CELF4: variants seen among roughly 807,000 people sequenced by gnomAD.
The protein encoded by CELF4 is CUGBP Elav-like family member 4.
In CELF4, 18 loss-of-function variants were observed where a neutral mutation model predicts 59.9. The observed-to-expected ratio is 0.30, with a 90% confidence interval of 0.21 to 0.45. CELF4 has a LOEUF of 0.45. CELF4 is among the 20% of genes least tolerant of loss of function. The pLI is 1.00. For synonymous variants in CELF4, 261 were observed against 267.1 expected (o/e 0.98, Z 0.22); for missense variants, 456 against 689.0 (o/e 0.66, Z 3.79).
At chr18:37,556,715 C>T (rs985969048) in intron 1 of CELF4, among the ~76,000 whole-genome samples, 8 of 152,062 alleles carry the variant, frequency 5.3e-5, no homozygotes, top group African/African-American at 1.7e-4. Flanking sequence ...CTTGCTTGTC[C>T]CTGTAAAGGG....
rs1408828782 is a variant in CELF4, at chr18:37,565,695, T to TCG, written c.-55_-54insCG. 38 of 1,387,676 alleles carry TCG rather than the reference T, an allele frequency of 2.7e-5. No homozygotes were observed. The highest frequency in any genetic ancestry group is 1.7e-4 in the South Asian group (12 of 71,530). 86.0% of individuals were successfully genotyped at this position (1,387,676 alleles called of 1,614,324 possible). A position where few individuals can be genotyped will look rare whatever the true frequency, so the allele number is the denominator to read the frequency against. On this transcript the variant is annotated 5_prime_UTR_variant, in exon 1 of 13. Coordinates refer to ENST00000420428, the MANE Select transcript of CELF4 (RefSeq NM_020180.4). ...TCTCGCTCACACTCTCTCGCTCCTCTCTCTCGCTCGCTCGCGCTCACACAC... is the reference window on the plus strand; with the variant it reads ...TCTCGCTCACACTCTCTCGCTCCTCTCGCTCTCGCTCGCTCGCGCTCACACAC...
At chr18:37,454,262 C>A (rs183133964) in intron 2 of CELF4, among the ~76,000 whole-genome samples, 1 of 152,182 alleles carries the variant, frequency 6.6e-6, no homozygotes, top group African/African-American at 2.4e-5. Flanking sequence ...CTGGGAGGTA[C>A]GAGAGGATGC....
intron 2 of CELF4, among the ~76,000 whole-genome samples, chr18:37,430,985 TG>T (rs2099647462): frequency 6.6e-6 from 1 of 152,192 alleles, no homozygotes; most frequent in African/African-American, 2.4e-5. Flanking sequence ...AACCCTGGTC[TG>T]GGGAACTTGG....
Position 37,270,770 on chromosome 18 carries a change from G to C in CELF4, c.1097C>G (p.Pro366Arg), listed in dbSNP as rs1331125816. The C allele has an allele frequency of 6.2e-7, 1 of 1,613,846 alleles. No individual in the cohort carries two copies. The highest frequency in any genetic ancestry group is 8.5e-7 in the Non-Finnish European group (1 of 1,179,988). ...AVFANGIHPY[P>R]AQSPTAADPL... is the part of the protein sequence containing the mutation. ...TAAGTGCTGACAGATGTGCTTACCTGGGTAGGGGTGGATGCCATTGGCGAA... is the reference window on the plus strand; with the variant it reads ...TAAGTGCTGACAGATGTGCTTACCTCGGTAGGGGTGGATGCCATTGGCGAA... Residue 366 changes from proline (P) to arginine (R), a missense_variant and splice_region_variant, in exon 8 of 13, where the codon CCA becomes CGA. Pro to Arg is a moderately radical substitution (Grantham distance 103). Coordinates refer to ENST00000420428, the MANE Select transcript of CELF4 (RefSeq NM_020180.4).
Position 37,321,848 on chromosome 18 carries a change from T to G in CELF4, c.403A>C (p.Ser135Arg). The stretch of plus-strand genomic sequence containing the variant: ...CAGCTACTACCTCCTCGGCTCTCGC[T>G]GTCCGCAGGCTTCACCTGGATCGGC... The part of the protein sequence containing the change: ...NRPIQVKPAD[S>R]ESRGGSSCLR... The change falls in exon 3 of 13, where the codon AGC (serine) becomes CGC (arginine). Residue 135 changes from serine (S) to arginine (R), a missense_variant. This residue lies in a region of CELF4 where 63 missense variants were observed against 110.6 expected (regional missense o/e 0.57). Coordinates refer to ENST00000420428, the MANE Select transcript of CELF4 (RefSeq NM_020180.4). The G allele has an allele frequency of 6.2e-7, 1 of 1,613,542 alleles. No individual in the cohort carries two copies. Among genetic ancestry groups the G allele is most frequent in the Non-Finnish European group, 8.5e-7 (1 of 1,179,720 alleles).
At chr18:37,493,785 A>G (rs1212066435) in intron 1 of CELF4, among the ~76,000 whole-genome samples, 2 of 152,134 alleles carry the variant, frequency 1.3e-5, no homozygotes, top group Non-Finnish European at 2.9e-5. Context: ...CCCCTTGGCC[A>G]TGCATTCTTC....
chr18:37,389,372 A>G (rs996102924), intron 2 of CELF4, among the ~76,000 whole-genome samples: 1 of 152,216 alleles, frequency 6.6e-6, no homozygotes, highest in Non-Finnish European at 1.5e-5. Flanking sequence ...TAGGGCTCCT[A>G]AAATTTATGG....
At chr18:37,530,840 G>C (rs2099968814) in intron 1 of CELF4, among the ~76,000 whole-genome samples, 1 of 149,902 alleles carries the variant, frequency 6.7e-6, no homozygotes, top group Non-Finnish European at 1.5e-5. Flanking sequence ...GGATCAATAA[G>C]TACAGAGAGA....
chr18:37,414,698 C>T (rs1859042964), intron 2 of CELF4, among the ~76,000 whole-genome samples: 1 of 151,890 alleles, frequency 6.6e-6, no homozygotes, highest in African/African-American at 2.4e-5. Flanking sequence ...GGGGTTTCAC[C>T]GTGTTAGCCA....
chr18:37,256,726 AG>A (rs1385343690), intron 11 of CELF4, among the ~76,000 whole-genome samples: 18 of 152,092 alleles, frequency 1.2e-4, no homozygotes, highest in Admixed American at 2.6e-4. Flanking sequence ...GTGGGATTAC[AG>A]GCGCACACCA....
At chr18:37,524,520 C>G (rs973039050) in intron 1 of CELF4, among the ~76,000 whole-genome samples, 1 of 152,194 alleles carries the variant, frequency 6.6e-6, no homozygotes, top group African/African-American at 2.4e-5. Flanking sequence ...ACTTGACGCG[C>G]CCTAATCCCT....
intron 2 of CELF4, among the ~76,000 whole-genome samples, chr18:37,429,583 C>T (rs2099635401): frequency 6.6e-6 from 1 of 152,180 alleles, no homozygotes; most frequent in South Asian, 2.1e-4. Flanking sequence ...TTGGAGTTTC[C>T]AAGTGGGTAG....
At chr18:37,414,376 A>G (rs1225487518) in intron 2 of CELF4, among the ~76,000 whole-genome samples, 1 of 151,712 alleles carries the variant, frequency 6.6e-6, no homozygotes, top group Non-Finnish European at 1.5e-5. Context: ...CTACGCATGT[A>G]TACTCTTTCA....
At chr18:37,498,272 C>A (rs1196411426) in intron 1 of CELF4, among the ~76,000 whole-genome samples, 1 of 151,984 alleles carries the variant, frequency 6.6e-6, no homozygotes, top group Non-Finnish European at 1.5e-5. Context: ...TTCTCACTTT[C>A]TGTTCTTCCT....
intron 2 of CELF4, among the ~76,000 whole-genome samples, chr18:37,442,571 CT>C (rs1217159179): frequency 5.9e-5 from 9 of 152,294 alleles, no homozygotes; most frequent in African/African-American, 2.2e-4. Context: ...CTGAAGGGGG[CT>C]TGGCCCAAAC....
Position 37,274,904 on chromosome 18 carries a change from C to A in CELF4, c.578-20G>T, listed in dbSNP as rs772310513. Reference sequence around the variant, plus strand: ...CGCACCCTGCGAGGACGCGAGAGGCCGAGCTGGGACCCAGAAGCAGGGCCA... The same window carrying A: ...CGCACCCTGCGAGGACGCGAGAGGCAGAGCTGGGACCCAGAAGCAGGGCCA... On this transcript the variant is annotated intron_variant, in intron 4 of 12. Coordinates refer to ENST00000420428, the MANE Select transcript of CELF4 (RefSeq NM_020180.4). The A allele has an allele frequency of 2.5e-6, 4 of 1,601,422 alleles. No homozygotes were observed. The Admixed American group carries it at 5.1e-5, about 21-fold the overall frequency.
chr18:37,525,960 C>T (rs752755677), intron 1 of CELF4, among the ~76,000 whole-genome samples: 4 of 152,140 alleles, frequency 2.6e-5, no homozygotes, highest in East Asian at 1.9e-4. Flanking sequence ...TACCTCCCTT[C>T]GGAATCAGAA....
At chr18:37,335,935 C>A (rs958691785) in intron 2 of CELF4, among the ~76,000 whole-genome samples, 38 of 152,180 alleles carry the variant, frequency 2.5e-4, no homozygotes, top group Non-Finnish European at 5.4e-4. Context: ...CGCCACTGCC[C>A]AGGGGCCCAA....
At chr18:37,525,007 C>T (rs1156511450) in intron 1 of CELF4, among the ~76,000 whole-genome samples, 1 of 152,160 alleles carries the variant, frequency 6.6e-6, no homozygotes. Context: ...TCTCCGCCTG[C>T]CCTCCTCCCT....
Sources: allele counts gnomAD v4.1 joint callset (sites outside exome capture counted in the v4.1 genomes callset), GRCh38; gene constraint gnomAD v4.1.1; regional missense constraint gnomAD v4.1.1; transcripts MANE v1.5; gene names NCBI Gene and HGNC (gene_info 2026-07-23, HGNC 2026-07-21).